The following ELAVL2 variants were observed in gnomAD, a reference collection of about 807,000 sequenced individuals.
ELAVL2 encodes the protein ELAV like RNA binding protein 2, also known as ELAV-like protein 2.
ELAVL2 carries 4 observed loss-of-function variants against 34.6 expected under a neutral mutation model. The observed-to-expected ratio is 0.12, with a 90% CI of 0.06 to 0.26. The LOEUF (loss-of-function observed/expected upper bound fraction) is 0.26, where lower values mean the gene tolerates loss of function less well. Among genes scored for constraint, ELAVL2 ranks in the 10% least tolerant of loss-of-function variants. The pLI is 1.00. For synonymous variants in ELAVL2, 193 were observed against 154.8 expected (o/e 1.25, Z -1.83); for missense variants, 432 against 442.8 (o/e 0.98, Z 0.22).
intron 1 of ELAVL2, among the ~76,000 whole-genome samples, chr9:23,816,979 A>G (rs2063805978): frequency 6.6e-6 from 1 of 152,162 alleles, no homozygotes; most frequent in African/African-American, 2.4e-5. Context: ...ATACAGGTAC[A>G]TCAAACTGTA....
At chr9:23,765,551 A>C (rs950659485) in intron 1 of ELAVL2, among the ~76,000 whole-genome samples, 1 of 152,194 alleles carries the variant, frequency 6.6e-6, no homozygotes, top group Admixed American at 6.5e-5. Context: ...AAAATATCAG[A>C]AAGACATTAA....
chr9:23,831,532 G>A, the ELAVL2 span: 2 of 152,248 alleles, frequency 1.3e-5, no homozygotes, highest in African/African-American at 4.8e-5. Context: ...AGAAACAGCT[G>A]TCTTATCAGC....
intron 1 of ELAVL2, among the ~76,000 whole-genome samples, chr9:23,815,126 G>A (rs1420854767): frequency 6.6e-6 from 1 of 151,914 alleles, no homozygotes; most frequent in African/African-American, 2.4e-5. Context: ...TTGATAAGAG[G>A]TTAAATAAAA....
At chr9:23,699,830 T>TTTG (rs2036558469) in intron 5 of ELAVL2, among the ~76,000 whole-genome samples, 1 of 80,786 alleles carries the variant, frequency 1.2e-5, no homozygotes, top group Non-Finnish European at 2.5e-5. Context: ...TTTTTTTTTT[T>TTTG]TTTTTTTTTT....
intron 3 of ELAVL2, among the ~76,000 whole-genome samples, chr9:23,727,431 A>G (rs1309784041): frequency 6.6e-6 from 1 of 152,092 alleles, no homozygotes; most frequent in East Asian, 1.9e-4. Context: ...AAAAAACATT[A>G]ATATTTTGGT....
chr9:23,758,838 G>A (rs1337205993), intron 2 of ELAVL2, among the ~76,000 whole-genome samples: 4 of 152,010 alleles, frequency 2.6e-5, no homozygotes, highest in Non-Finnish European at 5.9e-5. Context: ...CTTAAATAAA[G>A]AACTACAGAG....
intron 1 of ELAVL2, among the ~76,000 whole-genome samples, chr9:23,804,455 A>C (rs1362323085): frequency 1.3e-5 from 2 of 152,192 alleles, no homozygotes; most frequent in Non-Finnish European, 2.9e-5. Context: ...TTACATTTCA[A>C]GATCAGCACA....
At chr9:23,818,055 C>T (rs554102925) in intron 1 of ELAVL2, among the ~76,000 whole-genome samples, 2 of 152,266 alleles carry the variant, frequency 1.3e-5, no homozygotes, top group South Asian at 2.1e-4. Flanking sequence ...CAAATTAGAA[C>T]ATACAAAAGT....
At position 23,808,821 on chromosome 9, in the gene ELAVL2, A is replaced by G. The variant is rs187630836; in HGVS notation, c.-16+16985T>C. On this transcript the variant is annotated intron_variant, in intron 1 of 6. Transcript: ENST00000397312. The stretch of plus-strand genomic sequence containing the variant: ...AATTCCTTATGGGTAAAGTTCCAGA[A>G]AATTCCTTAAGGAGTCTGAACTATA... 5.9e-5 allele frequency among the ~76,000 whole-genome samples: 9 copies of G among 152,248 alleles called. No homozygotes were observed. The East Asian group carries it at 1.7e-3, about 29-fold the overall frequency.
At position 23,743,139 on chromosome 9, in the gene ELAVL2, G is replaced by C. The variant is rs572259659; in HGVS notation, c.230-12014C>G. Among the ~76,000 whole-genome samples, 15 of 152,218 alleles carry C rather than the reference G, an allele frequency of 9.9e-5. No individual in the cohort carries two copies. The South Asian group carries it at 2.9e-3, about 30-fold the overall frequency. On this transcript the variant is annotated intron_variant, in intron 2 of 6. Coordinates refer to ENST00000397312, the MANE Select transcript of ELAVL2 (RefSeq NM_004432.5). ...TGGGTCAGATGGGAACCATGGCTACGAATTAAGTCAAAGAGGTACCCTGAC... is the reference window on the plus strand; with the variant it reads ...TGGGTCAGATGGGAACCATGGCTACCAATTAAGTCAAAGAGGTACCCTGAC...
Position 23,692,531 on chromosome 9 carries a change from A to G in ELAVL2, c.*26T>C. ...TGCCTTTGTTGTATAGTTTTCATAT[A>G]TAAATGGACTGAGGACAAGAGCTCA... On this transcript the variant is annotated 3_prime_UTR_variant, in exon 7 of 7. Coordinates refer to ENST00000397312, the MANE Select transcript of ELAVL2 (RefSeq NM_004432.5). The G allele has an allele frequency of 6.3e-7, 1 of 1,587,112 alleles. No homozygotes were observed. The highest frequency in any genetic ancestry group is 8.6e-7 in the Non-Finnish European group (1 of 1,165,696).
At chr9:23,745,394 T>G (rs1018631321) in intron 2 of ELAVL2, among the ~76,000 whole-genome samples, 1 of 152,166 alleles carries the variant, frequency 6.6e-6, no homozygotes, top group East Asian at 1.9e-4. Context: ...CCCACCACCA[T>G]CTTTTCACTT....
chr9:23,774,520 T>A (rs1376655905), intron 1 of ELAVL2, among the ~76,000 whole-genome samples: 3 of 152,198 alleles, frequency 2.0e-5, no homozygotes, highest in Non-Finnish European at 4.4e-5. Flanking sequence ...CTTGCAATGC[T>A]GCAATTTTTA....
intron 3 of ELAVL2, among the ~76,000 whole-genome samples, chr9:23,712,842 T>C (rs555812555): frequency 6.6e-6 from 1 of 152,300 alleles, no homozygotes; most frequent in South Asian, 2.1e-4. Flanking sequence ...TAAAAATAAG[T>C]GATCCTATGA....
Position 23,691,365 on chromosome 9 carries a change from C to T in ELAVL2, c.*1192G>A, listed in dbSNP as rs1587108601. The T allele has an allele frequency of 1.3e-5, 2 of 152,636 alleles. No individual in the cohort carries two copies. Among genetic ancestry groups the T allele is most frequent in the South Asian group, 4.1e-4 (2 of 4,826 alleles). 9.5% of individuals were successfully genotyped at this position (152,636 alleles called of 1,614,324 possible). ...ACTTTCAAAATACCTTCAAATATAT[C>T]CAACTCAGATCACTTTTGCTGATTT... is the stretch of plus-strand genomic sequence containing the variant. On this transcript the variant is annotated 3_prime_UTR_variant, in exon 7 of 7. Transcript: ENST00000397312.
chr9:23,718,052 A>C (rs534653743), intron 3 of ELAVL2, among the ~76,000 whole-genome samples: 3 of 152,180 alleles, frequency 2.0e-5, no homozygotes, highest in Admixed American at 2.0e-4. Context: ...CCTTTCCTAC[A>C]AACTTGGAGA....
chr9:23,804,060 C>G (rs2061902068), intron 1 of ELAVL2, among the ~76,000 whole-genome samples: 1 of 152,014 alleles, frequency 6.6e-6, no homozygotes, highest in African/African-American at 2.4e-5. Context: ...GGGGGATCAG[C>G]TTTTGAAGTA....
At chr9:23,712,657 A>G in intron 3 of ELAVL2, among the ~76,000 whole-genome samples, 1 of 152,176 alleles carries the variant, frequency 6.6e-6, no homozygotes. Flanking sequence ...TCTCCCTTTT[A>G]TAAGATTACA....
intron 3 of ELAVL2, among the ~76,000 whole-genome samples, chr9:23,705,359 T>C (rs748790452): frequency 2.1e-4 from 32 of 152,338 alleles, no homozygotes; most frequent in Non-Finnish European, 4.4e-4. Context: ...CTCCAGATTA[T>C]TACTAAAAAT....
Sources: allele counts gnomAD v4.1 joint callset (sites outside exome capture counted in the v4.1 genomes callset), GRCh38; gene constraint gnomAD v4.1.1; transcripts MANE v1.5; gene names NCBI Gene and HGNC (gene_info 2026-07-23, HGNC 2026-07-21).